Variants in CACNA2D3 observed in about 807,000 individuals in gnomAD.
CACNA2D3 encodes calcium voltage-gated channel auxiliary subunit alpha2delta 3.
Under a neutral mutation model 160.6 loss-of-function variants are expected in CACNA2D3, and 60 were observed. The observed-to-expected ratio is 0.37, with a 90% CI of 0.30 to 0.46. The LOEUF is 0.46. Among genes scored for constraint, CACNA2D3 ranks in the 20% least tolerant of loss-of-function variants. CACNA2D3 has a pLI of 1.00. For missense variants in CACNA2D3, 1,205 were observed against 1,365.0 expected, an observed-to-expected ratio of 0.88 and a Z score of 1.85; for synonymous variants, 558 against 492.9, an observed-to-expected ratio of 1.13 and a Z score of -1.75.
At chr3:54,410,109 G>A (rs916732290) in intron 4 of CACNA2D3, among the ~76,000 whole-genome samples, 3 of 152,126 alleles carry the variant, frequency 2.0e-5, no homozygotes, top group Admixed American at 2.0e-4. Flanking sequence ...CTAGCACTTT[G>A]GGAGGCGAAG....
intron 31 of CACNA2D3, among the ~76,000 whole-genome samples, chr3:54,990,017 G>T (rs983123474): frequency 2.6e-5 from 4 of 152,174 alleles, no homozygotes; most frequent in African/African-American, 9.7e-5. Context: ...GATATAGTTG[G>T]CTGTAACTGA....
At chr3:54,991,339 C>T (rs1290874454) in intron 31 of CACNA2D3, among the ~76,000 whole-genome samples, 3 of 151,794 alleles carry the variant, frequency 2.0e-5, no homozygotes, top group Non-Finnish European at 4.4e-5. Context: ...TCTTCTGCCT[C>T]ATCCTCCCGA....
At chr3:54,806,150 A>G (rs965260583) in intron 13 of CACNA2D3, among the ~76,000 whole-genome samples, 104 of 152,322 alleles carry the variant, frequency 6.8e-4, no homozygotes, top group African/African-American at 2.2e-3. Flanking sequence ...CACAAGACAG[A>G]GATGCCCTCT....
chr3:54,161,030 G>T (rs1183285758), intron 2 of CACNA2D3, among the ~76,000 whole-genome samples: 2 of 152,200 alleles, frequency 1.3e-5, no homozygotes, highest in African/African-American at 2.4e-5. Context: ...GCCATTGAAA[G>T]GGGAGCCTGT....
intron 4 of CACNA2D3, among the ~76,000 whole-genome samples, chr3:54,495,290 A>G (rs1428719794): frequency 6.6e-6 from 1 of 152,212 alleles, no homozygotes; most frequent in East Asian, 1.9e-4. Context: ...CTGTTTCTAT[A>G]AACTTCTTGA....
At chr3:55,022,502 C>G (rs1412829065) in intron 35 of CACNA2D3, among the ~76,000 whole-genome samples, 1 of 151,580 alleles carries the variant, frequency 6.6e-6, no homozygotes, top group African/African-American at 2.4e-5. Flanking sequence ...TGCTCTTATT[C>G]CTCATGTTTT....
At chr3:54,184,410 A>G (rs1487400189) in intron 2 of CACNA2D3, among the ~76,000 whole-genome samples, 1 of 152,240 alleles carries the variant, frequency 6.6e-6, no homozygotes, top group Non-Finnish European at 1.5e-5. Flanking sequence ...TTTTAGAGGC[A>G]TAGAAATGAA....
intron 13 of CACNA2D3, among the ~76,000 whole-genome samples, chr3:54,793,086 G>T (rs1702795003): frequency 6.6e-6 from 1 of 152,180 alleles, no homozygotes; most frequent in Non-Finnish European, 1.5e-5. Flanking sequence ...CTGAAGAAAA[G>T]AAACTGATGT....
intron 2 of CACNA2D3, among the ~76,000 whole-genome samples, chr3:54,193,021 T>C (rs1338008930): frequency 2.6e-5 from 4 of 152,220 alleles, no homozygotes; most frequent in African/African-American, 9.6e-5. Context: ...CTATTCATGA[T>C]TATAGTTTTT....
intron 34 of CACNA2D3, among the ~76,000 whole-genome samples, chr3:55,016,267 G>A (rs1483600682): frequency 6.6e-6 from 1 of 152,156 alleles, no homozygotes; most frequent in Non-Finnish European, 1.5e-5. Flanking sequence ...GAAATAGCAC[G>A]AGTGCAGCAG....
chr3:54,323,634 T>C (rs1426233049), intron 3 of CACNA2D3, among the ~76,000 whole-genome samples: 1 of 151,916 alleles, frequency 6.6e-6, no homozygotes, highest in African/African-American at 2.4e-5. Context: ...GCCCGGCTAA[T>C]TTTTTGTATT....
chr3:54,174,720 T>C (rs926344238), intron 2 of CACNA2D3, among the ~76,000 whole-genome samples: 1 of 152,106 alleles, frequency 6.6e-6, no homozygotes, highest in Admixed American at 6.5e-5. Context: ...AGAGATGGGG[T>C]TTCACCGTGT....
At chr3:54,377,363 C>T (rs1315547062) in intron 3 of CACNA2D3, among the ~76,000 whole-genome samples, 2 of 152,234 alleles carry the variant, frequency 1.3e-5, no homozygotes, top group African/African-American at 4.8e-5. Flanking sequence ...TTAACTTTCA[C>T]ATAACCTCCA....
intron 27 of CACNA2D3, among the ~76,000 whole-genome samples, chr3:54,919,350 T>C (rs1700768940): frequency 6.6e-6 from 1 of 152,252 alleles, no homozygotes; most frequent in Non-Finnish European, 1.5e-5. Context: ...GTTATGTGTT[T>C]ATTACAAAGA....
At chr3:54,351,677 CTT>C (rs1698567669) in intron 3 of CACNA2D3, among the ~76,000 whole-genome samples, 1 of 152,246 alleles carries the variant, frequency 6.6e-6, no homozygotes, top group African/African-American at 2.4e-5. Context: ...GCACATTACT[CTT>C]TGCCAAGACA....
chr3:54,886,164 C>CACAGTATAGCTCCAGTAGCT (rs11276422), intron 23 of CACNA2D3, among the ~76,000 whole-genome samples: 118,676 of 151,866 alleles, frequency 0.78, 47,259 homozygotes, highest in African/African-American at 0.93. Flanking sequence ...CCTATACTCT[C>CACAGTATAGCTCCAGTAGCT]ACAGTTTGGG....
At chr3:54,618,376 C>CATATATATATAT (rs1698907277) in intron 9 of CACNA2D3, among the ~76,000 whole-genome samples, 4 of 15,730 alleles carry the variant, frequency 2.5e-4, no homozygotes, top group Non-Finnish European at 4.1e-4. Flanking sequence ...TATATATATG[C>CATATATATATAT]ACACACACAC....
intron 21 of CACNA2D3, among the ~76,000 whole-genome samples, chr3:54,881,675 A>G (rs1308175347): frequency 6.6e-6 from 1 of 152,134 alleles, no homozygotes; most frequent in Non-Finnish European, 1.5e-5. Context: ...TAGGTTTTGC[A>G]TGTCCACAGA....
chr3:54,506,716 A>G (rs1701376843), intron 5 of CACNA2D3, among the ~76,000 whole-genome samples: 1 of 152,198 alleles, frequency 6.6e-6, no homozygotes, highest in African/African-American at 2.4e-5. Context: ...AGCTTTTTTC[A>G]TGAAACTCCT....
Sources: gnomAD v4.1 joint callset for allele counts (sites outside exome capture counted in the v4.1 genomes callset) on GRCh38, gnomAD v4.1.1 for gene constraint, MANE v1.5 for transcripts, NCBI Gene and HGNC (gene_info 2026-07-23, HGNC 2026-07-21) for gene names.